The following TSC22D2 variants were observed in gnomAD, a reference collection of about 807,000 sequenced individuals.
TSC22D2 encodes the protein TSC22 domain family member 2.
Under a neutral mutation model 50.1 loss-of-function variants are expected in TSC22D2, and 5 were observed. The ratio of observed to expected loss-of-function variants is 0.10; its 90% CI spans 0.05 to 0.21. The LOEUF is 0.21. TSC22D2 is among the 10% of genes least tolerant of loss of function. TSC22D2 has a pLI of 1.00. For synonymous variants in TSC22D2, 501 were observed against 450.1 expected, an observed-to-expected ratio of 1.11 and a Z score of -1.43; for missense variants, 1,003 against 1,015.5, an observed-to-expected ratio of 0.99 and a Z score of 0.17.
chr3:150,452,124 A>G (rs986545124), intron 1 of TSC22D2, among the ~76,000 whole-genome samples: 12 of 152,192 alleles, frequency 7.9e-5, no homozygotes, highest in African/African-American at 2.7e-4. Flanking sequence ...AGATAAAGAA[A>G]AAAGTTGGTT....
At chr3:150,428,327 G>C (rs1720263524) in intron 1 of TSC22D2, among the ~76,000 whole-genome samples, 1 of 152,012 alleles carries the variant, frequency 6.6e-6, no homozygotes, top group South Asian at 2.1e-4. Flanking sequence ...GGGGGATGGG[G>C]CAGGCCCAGG....
At position 150,457,057 on chromosome 3, in the gene TSC22D2, A is replaced by G. The variant is rs1426102140; in HGVS notation, c.1959-19A>G. 1.9e-6 allele frequency: 3 copies of G among 1,607,192 alleles called. No individual in the cohort carries two copies. Among genetic ancestry groups the G allele is most frequent in the South Asian group, 1.1e-5 (1 of 90,388 alleles). The stretch of plus-strand genomic sequence containing the variant: ...AGGTTAAATTTTTTAGAATAATAAC[A>G]TATTCTAATTTTTTCCAGTGCATCT... On this transcript the variant is annotated intron_variant, in intron 1 of 2. Coordinates refer to ENST00000688009, the MANE Select transcript of TSC22D2 (RefSeq NM_001303264.2).
In TSC22D2 at chr3:150,410,287, C is replaced by G. The variant is rs750412456; in HGVS notation, c.937C>G (p.Gln313Glu). Reference protein sequence around the residue: ...QPMMAAAQPSQPQGAGPGGQT... With the variant: ...QPMMAAAQPSEPQGAGPGGQT... ...AATGATGGCAGCCGCGCAGCCCAGC[C>G]AGCCCCAGGGAGCGGGGCCCGGGGG... is the stretch of plus-strand genomic sequence containing the variant. The change falls in exon 1 of 3, where the codon CAG becomes GAG. Residue 313 changes from glutamine (Q) to glutamate (E), a missense_variant. Gln to Glu is a conservative substitution (Grantham distance 29, BLOSUM62 2). Transcript: ENST00000688009. 1.9e-6 allele frequency: 3 copies of G among 1,562,512 alleles called. No homozygotes were observed. The highest frequency in any genetic ancestry group is 2.7e-5 in the African/African-American group (2 of 73,922).
intron 1 of TSC22D2, among the ~76,000 whole-genome samples, chr3:150,427,437 A>G (rs193053051): frequency 6.6e-6 from 1 of 152,006 alleles, no homozygotes; most frequent in African/African-American, 2.4e-5. Context: ...CCAGTATTGT[A>G]TTTGAGATTC....
intron 1 of TSC22D2, among the ~76,000 whole-genome samples, chr3:150,424,969 C>T (rs1455968535): frequency 6.6e-6 from 1 of 152,126 alleles, no homozygotes; most frequent in Non-Finnish European, 1.5e-5. Context: ...TTTTAATAGT[C>T]TACACTTTCA....
Position 150,411,105 on chromosome 3 carries a change from G to A in TSC22D2, c.1755G>A (p.Gln585=). 2.5e-6 allele frequency: 4 copies of A among 1,614,128 alleles called. No homozygotes were observed. Among genetic ancestry groups the A allele is most frequent in the Admixed American group, 1.7e-5 (1 of 60,012 alleles). Residue 585 remains glutamine, a synonymous_variant, in exon 1 of 3, where the codon CAG becomes CAA. Coordinates refer to ENST00000688009, the MANE Select transcript of TSC22D2 (RefSeq NM_001303264.2). ...TAAGCCAGTTTCAAACTCAGACCCA[G>A]CCTTTAGTCGGGCAAGTCGACGATA... ...SDLSQFQTQT[Q]PLVGQVDDTR...
intron 1 of TSC22D2, among the ~76,000 whole-genome samples, chr3:150,442,397 A>C (rs1720746728): frequency 6.6e-6 from 1 of 152,246 alleles, no homozygotes; most frequent in Non-Finnish European, 1.5e-5. Flanking sequence ...ATGTGGCATC[A>C]CAAAATTTGG....
rs1201490096 is a variant in TSC22D2 at position 150,465,487 on chromosome 3, A to G, written c.*6851A>G. On this transcript the variant is annotated 3_prime_UTR_variant, in exon 3 of 3. Transcript: ENST00000688009. ...ATTGGCACAGCCTCTTTTAAAGACA[A>G]TTGTGTATCACCCATTAAATTTTAA... is the stretch of plus-strand genomic sequence containing the variant. The G allele has an allele frequency of 1.3e-5, 2 of 152,200 alleles. No homozygotes were observed. The highest frequency in any genetic ancestry group is 3.8e-4 in the East Asian group (2 of 5,200). The allele number at this position is 152,200 out of a possible 1,614,324, so 9.4% of individuals were successfully genotyped here.
chr3:150,454,100 A>G (rs977564717), intron 1 of TSC22D2, among the ~76,000 whole-genome samples: 11 of 152,300 alleles, frequency 7.2e-5, no homozygotes, highest in Admixed American at 3.3e-4. Flanking sequence ...TTTGCACTAT[A>G]AAAAGTTTGC....
At chr3:150,446,639 G>A (rs1432867023) in intron 1 of TSC22D2, among the ~76,000 whole-genome samples, 1 of 151,488 alleles carries the variant, frequency 6.6e-6, no homozygotes, top group Non-Finnish European at 1.5e-5. Flanking sequence ...GATATATTCT[G>A]TTCATTTCAT....
Position 150,409,870 on chromosome 3 carries a change from C to T in TSC22D2, c.520C>T (p.Pro174Ser), listed in dbSNP as rs1324998568. 1 of 1,611,880 alleles carries T rather than the reference C, an allele frequency of 6.2e-7. No homozygotes were observed. The highest frequency in any genetic ancestry group is 2.2e-5 in the East Asian group (1 of 44,872). ...VIKLDHGSGE[P>S]YRRGRWTCME... ...CAAGCTGGACCACGGGAGCGGAGAG[C>T]CCTATAGACGCGGCCGATGGACGTG... The change falls in exon 1 of 3, where the codon CCC becomes TCC. Residue 174 changes from proline (P) to serine (S), a missense_variant. By Grantham distance (74) the Pro-to-Ser change is moderately conservative. Coordinates refer to ENST00000688009, the MANE Select transcript of TSC22D2 (RefSeq NM_001303264.2). The surrounding 1 kb of genome is among the most constrained non-coding windows in gnomAD (Gnocchi z 7.4).
intron 1 of TSC22D2, among the ~76,000 whole-genome samples, chr3:150,449,880 GTCTT>G (rs1485500063): frequency 1.3e-5 from 2 of 151,792 alleles, no homozygotes; most frequent in East Asian, 3.9e-4. Flanking sequence ...ATTTTTTCAT[GTCTT>G]TCTTGTTAAT....
rs1559854559 is a variant in TSC22D2 at position 150,461,972 on chromosome 3, AAAG to A, written c.*3340_*3342del. Reference sequence around the variant, plus strand: ...TTTAAGATTTGAAGTCACATTTTTAAAAGAAGCTTTATGGCTCAGTGGCAAGCA... The same window carrying A: ...TTTAAGATTTGAAGTCACATTTTTAAAAGCTTTATGGCTCAGTGGCAAGCA... On this transcript the variant is annotated 3_prime_UTR_variant, in exon 3 of 3. Coordinates refer to ENST00000688009, the MANE Select transcript of TSC22D2 (RefSeq NM_001303264.2). 6.6e-6 allele frequency: 1 copy of A among 152,206 alleles called. No homozygotes were observed. Among genetic ancestry groups the A allele is most frequent in the East Asian group, 1.9e-4 (1 of 5,200 alleles). 9.4% of individuals were successfully genotyped at this position (152,206 alleles called of 1,614,324 possible). A position where few individuals can be genotyped will look rare whatever the true frequency, so the allele number is the denominator to read the frequency against.
intron 2 of TSC22D2, 149 bp downstream of exon 2, chr3:150,457,276 A>G: frequency 2.8e-6 from 2 of 725,192 alleles, no homozygotes; most frequent in Admixed American, 3.0e-5. Context: ...TGAAGATGCT[A>G]GAACGTTGAG....
At chr3:150,453,335 TC>T (rs1216477080) in intron 1 of TSC22D2, among the ~76,000 whole-genome samples, 1 of 152,238 alleles carries the variant, frequency 6.6e-6, no homozygotes, top group Non-Finnish European at 1.5e-5. Flanking sequence ...AAGAGTCAAA[TC>T]TCACTATGAT....
In TSC22D2 at chr3:150,410,263, A is replaced by G. The variant is rs760437637; in HGVS notation, c.913A>G (p.Met305Val). 2.4e-5 allele frequency: 37 copies of G among 1,558,236 alleles called. No individual in the cohort carries two copies. Among genetic ancestry groups the G allele is most frequent in the Middle Eastern group, 3.5e-4 (2 of 5,748 alleles). The change falls in exon 1 of 3, where the codon ATG becomes GTG. Residue 305 changes from methionine (M) to valine (V), a missense_variant. Coordinates refer to ENST00000688009, the MANE Select transcript of TSC22D2 (RefSeq NM_001303264.2). Reference sequence around the variant, plus strand: ...GGGAGCCGCGACCGGGCCGCAGCCAATGATGGCAGCCGCGCAGCCCAGCCA... The same window carrying G: ...GGGAGCCGCGACCGGGCCGCAGCCAGTGATGGCAGCCGCGCAGCCCAGCCA... ...FPGAATGPQPMMAAAQPSQPQ... is the reference protein window; with the variant it reads ...FPGAATGPQPVMAAAQPSQPQ...
intron 1 of TSC22D2, among the ~76,000 whole-genome samples, chr3:150,444,418 T>C (rs1245522772): frequency 6.6e-6 from 1 of 152,188 alleles, no homozygotes; most frequent in Admixed American, 6.5e-5. Context: ...ACCCTGGAGA[T>C]GGACAGTTTC....
At chr3:150,426,993 A>C (rs940166376) in intron 1 of TSC22D2, among the ~76,000 whole-genome samples, 1 of 152,004 alleles carries the variant, frequency 6.6e-6, no homozygotes, top group African/African-American at 2.4e-5. Context: ...TTTTTTTTGA[A>C]GCTAGGAATA....
At chr3:150,430,213 G>A (rs1290358841) in intron 1 of TSC22D2, among the ~76,000 whole-genome samples, 1 of 152,080 alleles carries the variant, frequency 6.6e-6, no homozygotes, top group African/African-American at 2.4e-5. Context: ...TGGTCAAGCA[G>A]AATTAAAGAA....
Sources: allele counts gnomAD v4.1 joint callset (sites outside exome capture counted in the v4.1 genomes callset), GRCh38; gene constraint gnomAD v4.1.1; non-coding constraint Gnocchi (gnomAD v3.1); transcripts MANE v1.5; gene names NCBI Gene and HGNC (gene_info 2026-07-23, HGNC 2026-07-21).